Variants in TTC7B observed in about 807,000 individuals in gnomAD.
The protein encoded by TTC7B is tetratricopeptide repeat domain 7B, also known as tetratricopeptide repeat protein 7B.
In TTC7B, 28 loss-of-function variants were observed where a neutral mutation model predicts 106.8. The ratio of observed to expected loss-of-function variants is 0.26; its 90% CI spans 0.19 to 0.36. The LOEUF is 0.36. TTC7B is among the 10% of genes least tolerant of loss of function. TTC7B has a pLI of 1.00. For missense variants in TTC7B, 862 were observed against 1,076.4 expected, an observed-to-expected ratio of 0.80 and a Z score of 2.79; for synonymous variants, 405 against 430.6, an observed-to-expected ratio of 0.94 and a Z score of 0.74.
At chr14:90,719,530 G>A (rs1344966045) in intron 5 of TTC7B, among the ~76,000 whole-genome samples, 3 of 152,124 alleles carry the variant, frequency 2.0e-5, no homozygotes, top group African/African-American at 7.2e-5. Flanking sequence ...TGAAGACGTG[G>A]GGCCTGAGAT....
At chr14:90,669,255 T>C (rs1200239753) in intron 9 of TTC7B, among the ~76,000 whole-genome samples, 1 of 152,074 alleles carries the variant, frequency 6.6e-6, no homozygotes, top group Non-Finnish European at 1.5e-5. Context: ...AATTGTAAAA[T>C]CCTTAGAGGA....
intron 1 of TTC7B, among the ~76,000 whole-genome samples, chr14:90,814,196 G>A (rs1039151228): frequency 6.6e-6 from 1 of 152,068 alleles, no homozygotes; most frequent in African/African-American, 2.4e-5. Context: ...TGCATCTTAG[G>A]ACATTGGGAG....
At chr14:90,695,295 C>CGTT (rs1450881224) in intron 6 of TTC7B, among the ~76,000 whole-genome samples, 1 of 128,900 alleles carries the variant, frequency 7.8e-6, no homozygotes, top group African/African-American at 2.8e-5. Context: ...CATATATGTA[C>CGTT]ATAAATATAT....
At chr14:90,642,042 C>T (rs1010390147) in intron 15 of TTC7B, among the ~76,000 whole-genome samples, 2 of 151,750 alleles carry the variant, frequency 1.3e-5, no homozygotes, top group Admixed American at 6.6e-5. Flanking sequence ...TGTACTTTAC[C>T]GATGGTTAAA....
chr14:90,645,722 C>T (rs1206064104), intron 14 of TTC7B, among the ~76,000 whole-genome samples: 1 of 152,168 alleles, frequency 6.6e-6, no homozygotes, highest in Non-Finnish European at 1.5e-5. Context: ...CAAACTGATA[C>T]AGGGATCAAA....
intron 15 of TTC7B, among the ~76,000 whole-genome samples, chr14:90,629,577 C>T (rs1027398213): frequency 7.2e-5 from 11 of 152,150 alleles, no homozygotes; most frequent in South Asian, 2.1e-4. Flanking sequence ...GCAGGCAGCC[C>T]GGGGCCAGGT....
Position 90,680,540 on chromosome 14 carries a change from A to T in TTC7B, c.951-5T>A, listed in dbSNP as rs1388330407. ...TTTTCTTGAGGACAAAAAATGCTGC[A>T]GTTGAAAGAAAACTGACTTTGATAT... On this transcript the variant is annotated splice_polypyrimidine_tract_variant and splice_region_variant and intron_variant, in intron 7 of 19. Transcript: ENST00000328459. 2 of 1,613,348 alleles carry T rather than the reference A, an allele frequency of 1.2e-6. No individual in the cohort carries two copies. The highest frequency in any genetic ancestry group is 1.7e-6 in the Non-Finnish European group (2 of 1,179,432).
At chr14:90,623,453 A>T (rs546784781) in intron 15 of TTC7B, among the ~76,000 whole-genome samples, 115 of 152,352 alleles carry the variant, frequency 7.5e-4, no homozygotes, top group South Asian at 1.2e-3. Context: ...AGATAGCGGC[A>T]CTAAAGAAGA....
chr14:90,586,962 C>T (rs1046738456), intron 18 of TTC7B, among the ~76,000 whole-genome samples: 1 of 152,214 alleles, frequency 6.6e-6, no homozygotes, highest in Non-Finnish European at 1.5e-5. Flanking sequence ...CCCTCAACAT[C>T]CAACCTACAA....
chr14:90,798,309 A>G (rs1474596987), intron 1 of TTC7B, among the ~76,000 whole-genome samples: 1 of 152,186 alleles, frequency 6.6e-6, no homozygotes, highest in African/African-American at 2.4e-5. Flanking sequence ...CAGAATCATG[A>G]GAAATAATAA....
In TTC7B at chr14:90,608,328, T is replaced by C. The variant is rs189680578; in HGVS notation, c.1966+2414A>G. Among the ~76,000 whole-genome samples the C allele has an allele frequency of 8.5e-5, 13 of 152,334 alleles. No homozygotes were observed. Among genetic ancestry groups the C allele is most frequent in the East Asian group, 3.9e-4 (2 of 5,190 alleles). ...ATGGCCTTCCATTTTTCTGATTCCCTGGTCTCTTGGTTAAATTGTCGGCGT... is the reference window on the plus strand; with the variant it reads ...ATGGCCTTCCATTTTTCTGATTCCCCGGTCTCTTGGTTAAATTGTCGGCGT... On this transcript the variant is annotated intron_variant, in intron 17 of 19. Transcript: ENST00000328459. The surrounding 1 kb of genome is among the most constrained non-coding windows in gnomAD (Gnocchi z 5.1).
intron 18 of TTC7B, among the ~76,000 whole-genome samples, chr14:90,589,068 G>C (rs144245899): frequency 3.0e-4 from 45 of 152,288 alleles, no homozygotes; most frequent in African/African-American, 1.0e-3. Context: ...TTGTCAGACT[G>C]GAAAGATCAA....
intron 4 of TTC7B, among the ~76,000 whole-genome samples, chr14:90,737,089 T>C (rs1438677207): frequency 6.6e-6 from 1 of 152,028 alleles, no homozygotes; most frequent in African/African-American, 2.4e-5. Context: ...AACTTAAACA[T>C]GGAAAATTAC....
intron 9 of TTC7B, among the ~76,000 whole-genome samples, chr14:90,670,455 T>G (rs1051242241): frequency 4.6e-5 from 7 of 152,208 alleles, no homozygotes; most frequent in African/African-American, 1.7e-4. Context: ...ATCGTGAATG[T>G]AATTAAATGC....
intron 19 of TTC7B, among the ~76,000 whole-genome samples, chr14:90,562,222 T>A (rs1890623058): frequency 6.6e-6 from 1 of 152,234 alleles, no homozygotes; most frequent in South Asian, 2.1e-4. Context: ...TCACCCTTCG[T>A]TCAGTACCTT....
chr14:90,682,509 C>A (rs1337031838), intron 7 of TTC7B, among the ~76,000 whole-genome samples: 1 of 152,224 alleles, frequency 6.6e-6, no homozygotes, highest in Non-Finnish European at 1.5e-5. Context: ...CATTTCCGGC[C>A]AATTCCTTCC....
chr14:90,551,103 G>A (rs907323608), intron 19 of TTC7B, among the ~76,000 whole-genome samples: 7 of 152,254 alleles, frequency 4.6e-5, no homozygotes, highest in Middle Eastern at 3.4e-3. Context: ...GAAAATCCCA[G>A]AACCCACCCG....
intron 3 of TTC7B, among the ~76,000 whole-genome samples, chr14:90,770,834 C>A (rs1890840445): frequency 6.6e-6 from 1 of 152,176 alleles, no homozygotes; most frequent in African/African-American, 2.4e-5. Context: ...AAACGTGGTA[C>A]ATGCACACAA....
Position 90,624,112 on chromosome 14 carries a change from G to A in TTC7B, c.1752-6067C>T, listed in dbSNP as rs1020695884. Among the ~76,000 whole-genome samples, 52 of 151,616 alleles carry A rather than the reference G, an allele frequency of 3.4e-4. No homozygotes were observed. The highest frequency in any genetic ancestry group is 1.4e-3 in the Admixed American group (21 of 15,250). ...TGTATATGTGTGCATGTGTGTGTGCGCGTGCGCGTGTGTGTGTTTTGTGAC... is the reference window on the plus strand; with the variant it reads ...TGTATATGTGTGCATGTGTGTGTGCACGTGCGCGTGTGTGTGTTTTGTGAC... On this transcript the variant is annotated intron_variant, in intron 15 of 19. Coordinates refer to ENST00000328459, the MANE Select transcript of TTC7B (RefSeq NM_001010854.2). The surrounding 1 kb of genome is among the most constrained non-coding windows in gnomAD (Gnocchi z 4.0).
Sources: allele counts gnomAD v4.1 joint callset (sites outside exome capture counted in the v4.1 genomes callset), GRCh38; gene constraint gnomAD v4.1.1; non-coding constraint Gnocchi (gnomAD v3.1); transcripts MANE v1.5; gene names NCBI Gene and HGNC (gene_info 2026-07-23, HGNC 2026-07-21).